PDCD7: variants seen among roughly 807,000 people sequenced by gnomAD.
The protein encoded by PDCD7 is programmed cell death 7.
A neutral mutation model predicts 42.1 loss-of-function variants in PDCD7; 40 were observed. The ratio of observed to expected loss-of-function variants is 0.95; its 90% CI spans 0.74 to 1.24. The LOEUF is 1.24. PDCD7 is among the 50% of genes most tolerant of loss of function. The pLI is 0.00. For synonymous variants in PDCD7, 299 were observed against 303.3 expected (o/e 0.99, Z 0.15); for missense variants, 644 against 662.8 (o/e 0.97, Z 0.31).
At chr15:65,119,631 T>C in intron 3 of PDCD7, 87 bp downstream of exon 3, 2 of 1,422,552 alleles carry the variant, frequency 1.4e-6, no homozygotes, top group Non-Finnish European at 1.9e-6. Context: ...ATTTGTTGCC[T>C]ACCACCTCTT....
At position 65,133,415 on chromosome 15, in the gene PDCD7, G is replaced by A; in HGVS notation, c.367C>T (p.Pro123Ser). The A allele has an allele frequency of 8.5e-7, 1 of 1,182,106 alleles. No homozygotes were observed. The highest frequency in any genetic ancestry group is 1.0e-6 in the Non-Finnish European group (1 of 956,752). 73.2% of individuals were successfully genotyped at this position (1,182,106 alleles called of 1,614,324 possible). A position where few individuals can be genotyped will look rare whatever the true frequency, so the allele number is the denominator to read the frequency against. ...GPGPPWSPRW[P>S]EAPPPPADVL... ...TCGGCCGGCGGCGGCGGCGCCTCAG[G>A]CCACCGCGGGCTCCAGGGCGGCCCC... The change falls in exon 1 of 5, where the codon CCT (proline) becomes TCT (serine). Residue 123 changes from proline to serine, a missense_variant. Physicochemically the swap from Pro to Ser is moderately conservative, Grantham distance 74. Transcript: ENST00000204549.
rs1255667555 is a variant in PDCD7, at chr15:65,129,149, C to T, written c.892G>A (p.Ala298Thr). 5 of 1,613,906 alleles carry T rather than the reference C, an allele frequency of 3.1e-6. No homozygotes were observed. Among genetic ancestry groups the T allele is most frequent in the Non-Finnish European group, 3.4e-6 (4 of 1,179,870 alleles). The part of the protein sequence containing the change: ...KKREQELKAA[A>T]DGVLSEVRKK... ...CTCACTTCAGATAGTACGCCATCAG[C>T]GGCTGCTTTGAGTTCCTGCTCCTGG... is the stretch of plus-strand genomic sequence containing the variant. Residue 298 changes from alanine to threonine, a missense_variant, in exon 2 of 5, where the codon GCT becomes ACT. Physicochemically the swap from Ala to Thr is moderately conservative, Grantham distance 58. Coordinates refer to ENST00000204549, the MANE Select transcript of PDCD7 (RefSeq NM_005707.2).
intron 2 of PDCD7, among the ~76,000 whole-genome samples, chr15:65,122,275 G>A (rs1175275076): frequency 2.6e-5 from 4 of 152,032 alleles, no homozygotes; most frequent in Non-Finnish European, 5.9e-5. Context: ...GGTGGAGGCT[G>A]CAGTGAGCCA....
chr15:65,124,104 T>C (rs529605640), intron 2 of PDCD7, among the ~76,000 whole-genome samples: 3 of 151,982 alleles, frequency 2.0e-5, no homozygotes, highest in Non-Finnish European at 4.4e-5. Context: ...CACTCCCTGG[T>C]CAATGTAACA....
chr15:65,130,165 T>C (rs1359248150), intron 1 of PDCD7, among the ~76,000 whole-genome samples: 4 of 142,118 alleles, frequency 2.8e-5, no homozygotes, highest in Non-Finnish European at 4.6e-5. Context: ...TTTTTTTTTT[T>C]TTTTTTTTTT....
chr15:65,124,223 ACCAG>A (rs1356309229), intron 2 of PDCD7, among the ~76,000 whole-genome samples: 1 of 152,036 alleles, frequency 6.6e-6, no homozygotes, highest in Non-Finnish European at 1.5e-5. Context: ...GGAGTTTGAG[ACCAG>A]CCTGACCAAC....
chr15:65,127,603 G>A (rs1415142691), intron 2 of PDCD7, among the ~76,000 whole-genome samples: 2 of 152,190 alleles, frequency 1.3e-5, no homozygotes, highest in Non-Finnish European at 2.9e-5. Flanking sequence ...TTAGTTGGAG[G>A]TGCACACATC....
At position 65,133,712 on chromosome 15, in the gene PDCD7, G is replaced by A; in HGVS notation, c.70C>T (p.Pro24Ser). ...PPPPQPPPPAPFGCPPPPLPS... is the reference protein window; with the variant it reads ...PPPPQPPPPASFGCPPPPLPS... ...AGCGGCGGTGGCGGACAGCCGAAAG[G>A]AGCAGGAGGCGGCGGCTGCGGGGGC... Residue 24 changes from proline to serine, a missense_variant, in exon 1 of 5, where the codon CCT becomes TCT. Physicochemically the swap from Pro to Ser is moderately conservative, Grantham distance 74. Transcript: ENST00000204549. The A allele has an allele frequency of 7.6e-7, 1 of 1,314,544 alleles. No homozygotes were observed. The highest frequency in any genetic ancestry group is 1.5e-5 in the African/African-American group (1 of 65,152). The allele number at this position is 1,314,544 out of a possible 1,614,324, so 81.4% of individuals were successfully genotyped here. A position where few individuals can be genotyped will look rare whatever the true frequency, so the allele number is the denominator to read the frequency against.
rs1385011530 is a variant in PDCD7 at position 65,126,904 on chromosome 15, A to AT, written c.1009+2127dup. On this transcript the variant is annotated intron_variant, in intron 2 of 4. Transcript: ENST00000204549. ...TTTATATGTACATGGGTATATACAC[A>AT]TATACCTTTATTCATTATCTCTCAA... is the stretch of plus-strand genomic sequence containing the variant. Among the ~76,000 whole-genome samples, 7 of 152,138 alleles carry AT rather than the reference A, an allele frequency of 4.6e-5. No homozygotes were observed. The East Asian group carries it at 1.2e-3, about 25-fold the overall frequency.
rs73475035 is a variant in PDCD7, at chr15:65,120,900, G to A, written c.1010-946C>T. On this transcript the variant is annotated intron_variant, in intron 2 of 4. Coordinates refer to ENST00000204549, the MANE Select transcript of PDCD7 (RefSeq NM_005707.2). ...ATAATGAGGAAGTTTAAAAGTCCTA[G>A]CTATAGTATGTATCGGTTAAAATTT... 6.5e-3 allele frequency among the ~76,000 whole-genome samples: 992 copies of A among 152,124 alleles called. 7 individuals carry two copies. The highest frequency in any genetic ancestry group is 0.022 in the African/African-American group (925 of 41,500).
chr15:65,125,624 T>A (rs1203142954), intron 2 of PDCD7, among the ~76,000 whole-genome samples: 1 of 152,166 alleles, frequency 6.6e-6, no homozygotes, highest in Non-Finnish European at 1.5e-5. Context: ...ATATGAAACA[T>A]GTATATAGCA....
chr15:65,124,914 AAT>A (rs2087483904), intron 2 of PDCD7, among the ~76,000 whole-genome samples: 1 of 152,172 alleles, frequency 6.6e-6, no homozygotes, highest in African/African-American at 2.4e-5. Flanking sequence ...ATCCATTGCC[AAT>A]ATATGTCAGC....
In PDCD7 at chr15:65,119,481, A is replaced by G. The variant is rs1227841131; in HGVS notation, c.1247-18T>C. 1 of 1,548,716 alleles carries G rather than the reference A, an allele frequency of 6.5e-7. No individual in the cohort carries two copies. Among genetic ancestry groups the G allele is most frequent in the Admixed American group, 1.7e-5 (1 of 59,840 alleles). On this transcript the variant is annotated intron_variant, in intron 3 of 4. Coordinates refer to ENST00000204549, the MANE Select transcript of PDCD7 (RefSeq NM_005707.2). ...GAACTCATCTGAAAGAGAAAAGCAC[A>G]ATACCACGTTATCATGCTTGATATC...
Position 65,133,313 on chromosome 15 carries a change from C to T in PDCD7, c.469G>A (p.Ala157Thr), listed in dbSNP as rs186847323. ...LEAVFGTPRR[A>T]GCPVPQRTHA... ...GTGCGCTGGGGCACCGGACAGCCTGCCCGCCGCGGGGTCCCGAACACCGCC... is the reference window on the plus strand; with the variant it reads ...GTGCGCTGGGGCACCGGACAGCCTGTCCGCCGCGGGGTCCCGAACACCGCC... The change falls in exon 1 of 5, where the codon GCA becomes ACA. Residue 157 changes from alanine (A) to threonine (T), a missense_variant. Transcript: ENST00000204549. 3.0e-3 allele frequency: 3,949 copies of T among 1,294,864 alleles called. 6 individuals carry two copies. Among genetic ancestry groups the T allele is most frequent in the Non-Finnish European group, 3.3e-3 (3,423 of 1,024,570 alleles). The allele number at this position is 1,294,864 out of a possible 1,614,324, so 80.2% of individuals were successfully genotyped here. A position where few individuals can be genotyped will look rare whatever the true frequency, so the allele number is the denominator to read the frequency against.
At chr15:65,128,633 T>C (rs900063297) in intron 2 of PDCD7, among the ~76,000 whole-genome samples, 5 of 152,174 alleles carry the variant, frequency 3.3e-5, no homozygotes, top group Non-Finnish European at 7.3e-5. Context: ...AGGTTTGAAA[T>C]GTATCTGAAG....
At chr15:65,128,644 A>C (rs1472376165) in intron 2 of PDCD7, among the ~76,000 whole-genome samples, 2 of 152,246 alleles carry the variant, frequency 1.3e-5, no homozygotes, top group East Asian at 3.8e-4. Flanking sequence ...GTATCTGAAG[A>C]AGCATGCCAA....
intron 2 of PDCD7, among the ~76,000 whole-genome samples, chr15:65,123,476 A>G (rs1013404259): frequency 1.8e-4 from 28 of 152,314 alleles, no homozygotes; most frequent in Admixed American, 1.2e-3. Context: ...ATGAGCCACC[A>G]TGCCCGGCCC....
intron 2 of PDCD7, among the ~76,000 whole-genome samples, chr15:65,126,695 A>G (rs1014700127): frequency 4.6e-5 from 7 of 151,660 alleles, no homozygotes; most frequent in Non-Finnish European, 8.8e-5. Flanking sequence ...ATAAGGCTGC[A>G]GTGAATTATG....
At position 65,129,117 on chromosome 15, in the gene PDCD7, T is replaced by C; in HGVS notation, c.924A>G (p.Lys308=). ...ADGVLSEVRK[K]QADTKRMVDI... is the part of the protein sequence containing the mutation. The stretch of plus-strand genomic sequence containing the variant: ...CCACCATTCTTTTGGTATCTGCTTG[T>C]TTTTTCCTCACTTCAGATAGTACGC... The change falls in exon 2 of 5, where the codon AAA becomes AAG. Residue 308 remains lysine, a synonymous_variant. Transcript: ENST00000204549. 1 of 1,613,972 alleles carries C rather than the reference T, an allele frequency of 6.2e-7. No individual in the cohort carries two copies. Among genetic ancestry groups the C allele is most frequent in the South Asian group, 1.1e-5 (1 of 91,072 alleles).
Sources: gnomAD v4.1 joint callset for allele counts (sites outside exome capture counted in the v4.1 genomes callset) on GRCh38, gnomAD v4.1.1 for gene constraint, MANE v1.5 for transcripts, NCBI Gene and HGNC (gene_info 2026-07-23, HGNC 2026-07-21) for gene names.